Variants in ITIH2 observed in about 807,000 individuals in gnomAD.
ITIH2 encodes the protein inter-alpha-trypsin inhibitor heavy chain 2.
Under a neutral mutation model 104.4 loss-of-function variants are expected in ITIH2, and 103 were observed. The observed-to-expected ratio is 0.99, with a 90% CI of 0.84 to 1.16. ITIH2 has a LOEUF of 1.16. ITIH2 is among the 50% of genes most tolerant of loss of function. The probability of loss-of-function intolerance (pLI) is 0.00; values close to 1 mark genes in which losing one functional copy is unlikely to be tolerated. For synonymous variants in ITIH2, 436 were observed against 435.4 expected (o/e 1.00, Z -0.02); for missense variants, 1,108 against 1,162.4 (o/e 0.95, Z 0.68).
intron 6 of ITIH2, among the ~76,000 whole-genome samples, chr10:7,720,382 G>T (rs886382834): frequency 1.3e-5 from 2 of 152,084 alleles, no homozygotes; most frequent in Admixed American, 6.5e-5. Flanking sequence ...CTGTGGTTTG[G>T]TCAAGAATCA....
At chr10:7,722,934 C>T (rs934415328) in intron 8 of ITIH2, among the ~76,000 whole-genome samples, 16 of 151,936 alleles carry the variant, frequency 1.1e-4, no homozygotes, top group Middle Eastern at 3.4e-3. Context: ...AACAGGGGCT[C>T]TCTGTAAAGA....
At position 7,748,521 on chromosome 10, in the gene ITIH2, C is replaced by CTTTTTTTTTTTTTTTTTTT. The variant is rs549517172; in HGVS notation, c.2694-647_2694-629dup. ...AGTTAAGAGGTGCCGCCAATGCATTCTTTTTTTTTTTTTTTTTTTTTTTTT... is the reference window on the plus strand; with the variant it reads ...AGTTAAGAGGTGCCGCCAATGCATTCTTTTTTTTTTTTTTTTTTTTTTTTTTTTTTTTTTTTTTTTTTTT... On this transcript the variant is annotated intron_variant, in intron 20 of 20. Coordinates refer to ENST00000358415, the MANE Select transcript of ITIH2 (RefSeq NM_002216.3). Among the ~76,000 whole-genome samples the CTTTTTTTTTTTTTTTTTTT allele has an allele frequency of 3.7e-4, 10 of 27,124 alleles. 3 individuals carry two copies. Among genetic ancestry groups the CTTTTTTTTTTTTTTTTTTT allele is most frequent in the Non-Finnish European group, 4.6e-4 (7 of 15,258 alleles). The allele number at this position is 27,124 out of a possible 152,430, so 17.8% of individuals were successfully genotyped here. A position where few individuals can be genotyped will look rare whatever the true frequency, so the allele number is the denominator to read the frequency against.
At chr10:7,749,093 A>G in intron 20 of ITIH2, 94 bp from the exon 21 acceptor site, 1 of 1,286,762 alleles carries the variant, frequency 7.8e-7, no homozygotes, top group Non-Finnish European at 1.1e-6. Flanking sequence ...AGATGTGGTG[A>G]CAGAAGGAAC....
intron 15 of ITIH2, 119 bp downstream of exon 15, chr10:7,735,210 C>A (rs1223800376): frequency 4.9e-6 from 4 of 814,852 alleles, no homozygotes; most frequent in African/African-American, 1.7e-5. Flanking sequence ...CAGCCCTGGG[C>A]CCTCCTGTGC....
At position 7,734,950 on chromosome 10, in the gene ITIH2, A is replaced by G. The variant is rs770823210; in HGVS notation, c.1816A>G (p.Arg606Gly). Residue 606 changes from arginine to glycine, a missense_variant, in exon 15 of 21, where the codon AGA becomes GGA. Arg to Gly is a moderately radical substitution (Grantham distance 125). Transcript: ENST00000358415. Reference protein sequence around the residue: ...RSLAPTAAAKRRITRSILQMS... With the variant: ...RSLAPTAAAKGRITRSILQMS... Reference sequence around the variant, plus strand: ...CCTGGCTCCTACAGCTGCCGCCAAGAGAAGAATTACAAGATCGATCCTGCA... The same window carrying G: ...CCTGGCTCCTACAGCTGCCGCCAAGGGAAGAATTACAAGATCGATCCTGCA... 4.3e-6 allele frequency: 7 copies of G among 1,613,390 alleles called. No homozygotes were observed. In the South Asian group the frequency reaches 6.6e-5, roughly 15 times the overall value.
rs372055311 is a variant in ITIH2, at chr10:7,713,310, G to A, written c.467+25G>A. The A allele has an allele frequency of 1.2e-5, 19 of 1,556,596 alleles. No homozygotes were observed. In the African/African-American group the frequency reaches 2.2e-4, roughly 18 times the overall value. On this transcript the variant is annotated intron_variant, in intron 5 of 20. Transcript: ENST00000358415. ...GGTAAGGCCTGAGTGAGCAAGGCTT[G>A]CCCTTGCCTCTCAATGACGGTTTCC...
At chr10:7,738,170 A>C (rs1835085334) in intron 15 of ITIH2, among the ~76,000 whole-genome samples, 1 of 74,998 alleles carries the variant, frequency 1.3e-5, no homozygotes, top group African/African-American at 5.1e-5. Context: ...TATATATTAT[A>C]TTCTATATAT....
intron 15 of ITIH2, among the ~76,000 whole-genome samples, chr10:7,735,484 G>C (rs1047800365): frequency 2.6e-5 from 4 of 151,914 alleles, no homozygotes; most frequent in African/African-American, 7.3e-5. Flanking sequence ...AGGATCTCTC[G>C]AGCCCAGGAG....
Position 7,703,522 on chromosome 10 carries a change from A to C in ITIH2, c.84+4A>C. 2 of 1,581,938 alleles carry C rather than the reference A, an allele frequency of 1.3e-6. No homozygotes were observed. Among genetic ancestry groups the C allele is most frequent in the Non-Finnish European group, 8.7e-7 (1 of 1,150,858 alleles). ...CCCCATAAATGGACTTTCTGAAGTA[A>C]GTACTTACAGATCACTCCTTGCTGT... On this transcript the variant is annotated splice_donor_region_variant and intron_variant, in intron 1 of 20. Transcript: ENST00000358415.
chr10:7,728,380 GTTTA>G lies in ITIH2; in HGVS notation c.1279+556_1279+559del, dbSNP rs371200712. Among the ~76,000 whole-genome samples the G allele has an allele frequency of 2.8e-3, 427 of 152,006 alleles. 3 individuals are homozygous for G. Among genetic ancestry groups the G allele is most frequent in the African/African-American group, 9.8e-3 (406 of 41,472 alleles). On this transcript the variant is annotated intron_variant, in intron 11 of 20. Coordinates refer to ENST00000358415, the MANE Select transcript of ITIH2 (RefSeq NM_002216.3). ...ATTTATTTTTATTTTTGTTACATTA[GTTTA>G]TTTTATTTATTTTTGAAGACAGGGT...
At position 7,709,062 on chromosome 10, in the gene ITIH2, A is replaced by C. The variant is rs1436139847; in HGVS notation, c.233A>C (p.Gln78Pro). The part of the protein sequence containing the change: ...DQVTLYSYKV[Q>P]STITSRMATT... ...GTAACTCTTTATAGCTATAAAGTCC[A>C]GTCTACTATTACTTCTCGGATGGCC... The change falls in exon 4 of 21, where the codon CAG becomes CCG. Residue 78 changes from glutamine to proline, a missense_variant. Gln to Pro is a moderately conservative substitution (Grantham distance 76, BLOSUM62 -1). Transcript: ENST00000358415. 17 of 1,614,058 alleles carry C rather than the reference A, an allele frequency of 1.1e-5. No homozygotes were observed. The highest frequency in any genetic ancestry group is 1.4e-5 in the Non-Finnish European group (17 of 1,179,956).
At chr10:7,743,776 G>A (rs990261418) in intron 17 of ITIH2, among the ~76,000 whole-genome samples, 9 of 151,818 alleles carry the variant, frequency 5.9e-5, no homozygotes, top group African/African-American at 1.9e-4. Flanking sequence ...GTAAGACTCC[G>A]TCTCAAAAAC....
Position 7,703,487 on chromosome 10 carries a change from G to C in ITIH2, c.53G>C (p.Gly18Ala), listed in dbSNP as rs1176565228. The C allele has an allele frequency of 3.1e-6, 5 of 1,613,396 alleles. No individual in the cohort carries two copies. In the East Asian group the frequency reaches 1.1e-4, roughly 36 times the overall value. ...TGCTTCTTTCTTTCTGAAGTATCAGGCTTCGAAATCCCCATAAATGGACTT... is the reference window on the plus strand; with the variant it reads ...TGCTTCTTTCTTTCTGAAGTATCAGCCTTCGAAATCCCCATAAATGGACTT... ...FICFFLSEVS[G>A]FEIPINGLSE... is the part of the protein sequence containing the mutation. The change falls in exon 1 of 21, where the codon GGC becomes GCC. Residue 18 changes from glycine to alanine, a missense_variant. Physicochemically the swap from Gly to Ala is moderately conservative, Grantham distance 60. Transcript: ENST00000358415.
rs1290514015 is a variant in ITIH2, at chr10:7,726,974, T to C, written c.1009T>C (p.Leu337=). The change falls in exon 10 of 21, where the codon TTG becomes CTG. Residue 337 remains leucine (L), a synonymous_variant. Coordinates refer to ENST00000358415, the MANE Select transcript of ITIH2 (RefSeq NM_002216.3). ...GACTGTGGAAGCAATGAAGACCATA[T>C]TGGATGACCTCAGAGCAGAAGACCA... ...KQTVEAMKTI[L]DDLRAEDHFS... is the part of the protein sequence containing the mutation. The C allele has an allele frequency of 6.2e-7, 1 of 1,613,082 alleles. No homozygotes were observed. The highest frequency in any genetic ancestry group is 2.2e-5 in the East Asian group (1 of 44,862).
At chr10:7,730,196 A>T (rs1834989497) in intron 12 of ITIH2, 63 bp downstream of exon 12, 3 of 1,202,664 alleles carry the variant, frequency 2.5e-6, no homozygotes, top group Admixed American at 2.1e-5. Context: ...CCCATATCTG[A>T]TGCAGGTATG....
At position 7,744,238 on chromosome 10, in the gene ITIH2, T is replaced by C; in HGVS notation, c.2366T>C (p.Phe789Ser). The change falls in exon 18 of 21, where the codon TTC becomes TCC. Residue 789 changes from phenylalanine (F) to serine (S), a missense_variant. Phe to Ser is a radical substitution (Grantham distance 155, BLOSUM62 -2). Transcript: ENST00000358415. The stretch of plus-strand genomic sequence containing the variant: ...ACCCTGAGCCATGGTTCTAGCACAT[T>C]CTCCTTGTCCTGGTCCGACACGGCT... Reference protein sequence around the residue: ...TITLSHGSSTFSLSWSDTAQV... With the variant: ...TITLSHGSSTSSLSWSDTAQV... 6.2e-7 allele frequency: 1 copy of C among 1,613,972 alleles called. No individual in the cohort carries two copies. Among genetic ancestry groups the C allele is most frequent in the Non-Finnish European group, 8.5e-7 (1 of 1,179,980 alleles).
At chr10:7,734,610 T>A (rs1438180395) in intron 14 of ITIH2, among the ~76,000 whole-genome samples, 1 of 152,078 alleles carries the variant, frequency 6.6e-6, no homozygotes, top group African/African-American at 2.4e-5. Context: ...GAGGAGGATC[T>A]CTTGAGCCCA....
intron 2 of ITIH2, among the ~76,000 whole-genome samples, chr10:7,706,900 G>A (rs1834752265): frequency 6.6e-6 from 1 of 152,010 alleles, no homozygotes; most frequent in African/African-American, 2.4e-5. Flanking sequence ...GCATCAAGGG[G>A]ATATACGCTA....
At position 7,732,448 on chromosome 10, in the gene ITIH2, T is replaced by G; in HGVS notation, c.1758T>G (p.Tyr586Ter). 1 of 1,614,028 alleles carries G rather than the reference T, an allele frequency of 6.2e-7. No individual in the cohort carries two copies. Among genetic ancestry groups the G allele is most frequent in the Non-Finnish European group, 8.5e-7 (1 of 1,179,938 alleles). Residue 586 changes from tyrosine to a stop codon, truncating the protein, a stop_gained, in exon 14 of 21, where the codon TAT (tyrosine) becomes TAG (stop). Coordinates refer to ENST00000358415, the MANE Select transcript of ITIH2 (RefSeq NM_002216.3). LOFTEE classifies it high-confidence loss of function. ...ATTTCACCAGGAAACTGTGGGCCTA[T>G]CTAACCATCAACCAACTGCTAGCTG... ...DPDFTRKLWA[Y>*]LTINQLLAER... is the part of the protein sequence containing the mutation.
Sources: allele counts gnomAD v4.1 joint callset (sites outside exome capture counted in the v4.1 genomes callset), GRCh38; gene constraint gnomAD v4.1.1; transcripts MANE v1.5; gene names NCBI Gene and HGNC (gene_info 2026-07-23, HGNC 2026-07-21).